The following PDE8A variants were observed in gnomAD, a reference collection of about 807,000 sequenced individuals.
The protein encoded by PDE8A is high affinity cAMP-specific and IBMX-insensitive 3',5'-cyclic phosphodiesterase 8A.
PDE8A carries 59 observed loss-of-function variants against 105.0 expected under a neutral mutation model. That is an observed-to-expected ratio of 0.56 (90% CI 0.46 to 0.70). The LOEUF is 0.70. Among genes scored for constraint, PDE8A ranks in the 30% least tolerant of loss-of-function variants. PDE8A has a pLI of 0.00. For synonymous variants in PDE8A, 355 were observed against 371.9 expected (o/e 0.95, Z 0.52); for missense variants, 1,014 against 1,045.9 (o/e 0.97, Z 0.42).
intron 19 of PDE8A, 142 bp downstream of exon 19, chr15:85,123,335 GATACAC>G (rs2082210730): frequency 4.2e-6 from 2 of 480,268 alleles, no homozygotes; most frequent in Non-Finnish European, 3.7e-6. Flanking sequence ...GAACTAATGG[GATACAC>G]ACACACACAC....
intron 1 of PDE8A, among the ~76,000 whole-genome samples, chr15:84,994,853 A>G (rs1170974823): frequency 6.6e-6 from 1 of 152,016 alleles, no homozygotes; most frequent in African/African-American, 2.4e-5. Flanking sequence ...AATCCTAGCT[A>G]CTAGAGGCTG....
At chr15:85,056,211 A>G (rs1288132863) in intron 1 of PDE8A, among the ~76,000 whole-genome samples, 10 of 152,128 alleles carry the variant, frequency 6.6e-5, no homozygotes, top group Non-Finnish European at 1.3e-4. Flanking sequence ...TTTGTGGGTA[A>G]CCCGACCTTT....
chr15:85,006,039 C>T (rs1356870451), intron 1 of PDE8A, among the ~76,000 whole-genome samples: 1 of 151,730 alleles, frequency 6.6e-6, no homozygotes, highest in Admixed American at 6.6e-5. Context: ...GCAAATGACT[C>T]AGGAGAAGTA....
Position 85,138,524 on chromosome 15 carries a change from T to G in PDE8A, c.*621T>G, listed in dbSNP as rs1344401347. ...CCAACTTCAAATACCGTGACCAAATTTACATGATTCATATTCATTATGCAT... is the reference window on the plus strand; with the variant it reads ...CCAACTTCAAATACCGTGACCAAATGTACATGATTCATATTCATTATGCAT... On this transcript the variant is annotated 3_prime_UTR_variant, in exon 22 of 22. Coordinates refer to ENST00000394553, the MANE Select transcript of PDE8A (RefSeq NM_002605.3). 1.3e-5 allele frequency: 2 copies of G among 152,642 alleles called. No individual in the cohort carries two copies. The highest frequency in any genetic ancestry group is 3.8e-4 in the East Asian group (2 of 5,196). The allele number at this position is 152,642 out of a possible 1,614,324, so 9.5% of individuals were successfully genotyped here.
chr15:85,129,950 A>G (rs2082308319), intron 20 of PDE8A, among the ~76,000 whole-genome samples: 2 of 152,186 alleles, frequency 1.3e-5, no homozygotes, highest in South Asian at 4.1e-4. Context: ...TTAAGCGTAT[A>G]TTAGTCCATT....
rs758863617 is a variant in PDE8A at position 85,117,763 on chromosome 15, A to G, written c.1658A>G (p.Asn553Ser). 3.0e-5 allele frequency: 48 copies of G among 1,613,690 alleles called. No homozygotes were observed. Among genetic ancestry groups the G allele is most frequent in the Middle Eastern group, 1.6e-4 (1 of 6,080 alleles). ...ATCGAAGCCAATTATCATTCCTCCA[A>G]TCCCTACCACAATTCTACACATTCT... ...QIIEANYHSSNPYHNSTHSAD... is the reference protein window; with the variant it reads ...QIIEANYHSSSPYHNSTHSAD... Residue 553 changes from asparagine (N) to serine (S), a missense_variant, in exon 17 of 22, where the codon AAT (asparagine) becomes AGT (serine). Asn to Ser is a conservative substitution (Grantham distance 46). Transcript: ENST00000394553.
intron 18 of PDE8A, among the ~76,000 whole-genome samples, chr15:85,122,531 T>G (rs2082197736): frequency 6.6e-6 from 1 of 152,218 alleles, no homozygotes; most frequent in Non-Finnish European, 1.5e-5. Flanking sequence ...CCAGAGAAAG[T>G]TTTCTACTCA....
Position 85,100,182 on chromosome 15 carries a change from G to T in PDE8A, c.1020G>T (p.Gln340His), listed in dbSNP as rs1417663424. The change falls in exon 11 of 22, where the codon CAG becomes CAT. Residue 340 changes from glutamine (Q) to histidine (H), a missense_variant. By Grantham distance (24) the Gln-to-His change is conservative. Coordinates refer to ENST00000394553, the MANE Select transcript of PDE8A (RefSeq NM_002605.3). ...CTGAGAAAATATCCGAATGTGTTCAGTCTGACACTCATACAGGTACGGTGC... is the reference window on the plus strand; with the variant it reads ...CTGAGAAAATATCCGAATGTGTTCATTCTGACACTCATACAGGTACGGTGC... ...NKAEKISECV[Q>H]SDTHTDNQTG... The T allele has an allele frequency of 3.7e-6, 6 of 1,613,602 alleles. No homozygotes were observed. The Admixed American group carries it at 6.7e-5, about 18-fold the overall frequency.
At chr15:85,051,941 A>C (rs759522515) in intron 1 of PDE8A, among the ~76,000 whole-genome samples, 1 of 152,088 alleles carries the variant, frequency 6.6e-6, no homozygotes, top group East Asian at 1.9e-4. Context: ...CATTTACATT[A>C]GATATATCTC....
intron 8 of PDE8A, among the ~76,000 whole-genome samples, chr15:85,095,422 C>T (rs567121846): frequency 1.6e-4 from 24 of 152,266 alleles, no homozygotes; most frequent in African/African-American, 5.5e-4. Context: ...CGGCTCACTG[C>T]AACCTCTGCC....
In PDE8A at chr15:85,100,213, A is replaced by G. The variant is rs765884808; in HGVS notation, c.1036+15A>G. On this transcript the variant is annotated intron_variant, in intron 11 of 21. Transcript: ENST00000394553. ...CACTCATACAGGTACGGTGCCCCGT[A>G]TTTATTCTTAGAGTTCATTGAGTTT... 1.9e-6 allele frequency: 3 copies of G among 1,603,882 alleles called. No individual in the cohort carries two copies. Among genetic ancestry groups the G allele is most frequent in the Admixed American group, 1.7e-5 (1 of 59,434 alleles).
At chr15:85,037,306 C>G (rs1231492785) in intron 1 of PDE8A, among the ~76,000 whole-genome samples, 1 of 152,178 alleles carries the variant, frequency 6.6e-6, no homozygotes, top group African/African-American at 2.4e-5. Context: ...CTCAGGTGAT[C>G]TGCCCGCCTC....
At chr15:85,040,307 TG>T (rs398119038) in intron 1 of PDE8A, among the ~76,000 whole-genome samples, 1 of 54,086 alleles carries the variant, frequency 1.8e-5, no homozygotes, top group Non-Finnish European at 3.8e-5. Flanking sequence ...CTGCCCACCT[TG>T]GCGCCTCCCA....
At chr15:85,119,111 C>T (rs2082140527) in intron 17 of PDE8A, among the ~76,000 whole-genome samples, 1 of 152,018 alleles carries the variant, frequency 6.6e-6, no homozygotes, top group African/African-American at 2.4e-5. Flanking sequence ...CCAATTTTTG[C>T]TGTATTGCTT....
chr15:85,095,545 T>C (rs1052689841), intron 8 of PDE8A, among the ~76,000 whole-genome samples: 4 of 152,100 alleles, frequency 2.6e-5, no homozygotes, highest in Admixed American at 2.0e-4. Flanking sequence ...GGTTTCACCA[T>C]GTTGGCCAGG....
In PDE8A at chr15:85,137,773, T is replaced by C. The variant is rs777798052; in HGVS notation, c.2384-24T>C. 5.6e-6 allele frequency: 8 copies of C among 1,422,766 alleles called. No individual in the cohort carries two copies. The East Asian group carries it at 1.6e-4, about 28-fold the overall frequency. 88.1% of individuals were successfully genotyped at this position (1,422,766 alleles called of 1,614,324 possible). A position where few individuals can be genotyped will look rare whatever the true frequency, so the allele number is the denominator to read the frequency against. On this transcript the variant is annotated intron_variant, in intron 21 of 21. Transcript: ENST00000394553. ...TGTAAACAGAGGCTGTGAAAGCATA[T>C]CACATTCCTATCTTTCTCTCCAGCC...
intron 1 of PDE8A, among the ~76,000 whole-genome samples, chr15:85,042,805 C>CTT (rs2080830958): frequency 6.6e-6 from 1 of 152,172 alleles, no homozygotes; most frequent in Non-Finnish European, 1.5e-5. Context: ...TTAATCTTCA[C>CTT]AATCACTATT....
chr15:85,133,102 A>G (rs2082352106), intron 20 of PDE8A, among the ~76,000 whole-genome samples: 1 of 152,142 alleles, frequency 6.6e-6, no homozygotes, highest in Non-Finnish European at 1.5e-5. Flanking sequence ...TTTCTCAAAC[A>G]TTTTCTGAGC....
At chr15:85,003,401 C>T (rs1292621393) in intron 1 of PDE8A, among the ~76,000 whole-genome samples, 3 of 152,136 alleles carry the variant, frequency 2.0e-5, no homozygotes, top group Non-Finnish European at 2.9e-5. Flanking sequence ...ATGGGCCTGG[C>T]TTGGAAACAC....
Sources: gnomAD v4.1 joint callset for allele counts (sites outside exome capture counted in the v4.1 genomes callset) on GRCh38, gnomAD v4.1.1 for gene constraint, MANE v1.5 for transcripts, NCBI Gene and HGNC (gene_info 2026-07-23, HGNC 2026-07-21) for gene names.